Variants in TRDN observed in about 807,000 individuals in gnomAD.
TRDN encodes triadin.
A neutral mutation model predicts 149.7 loss-of-function variants in TRDN; 161 were observed. That is an observed-to-expected ratio of 1.08 (90% CI 0.95 to 1.23). The LOEUF (loss-of-function observed/expected upper bound fraction) is 1.23, where lower values mean the gene tolerates loss of function less well. Ranked by LOEUF, TRDN falls within the 50% of genes most tolerant of loss-of-function variation. The pLI, the probability that TRDN is intolerant of heterozygous loss-of-function variation, is 0.00. For missense variants in TRDN, 896 were observed against 823.5 expected, an observed-to-expected ratio of 1.09 and a Z score of -1.08; for synonymous variants, 294 against 250.5, an observed-to-expected ratio of 1.17 and a Z score of -1.64.
rs1057524282 is a variant in TRDN, at chr6:123,267,757, G to A, written c.1739-6C>T. The A allele has an allele frequency of 6.4e-7, 1 of 1,565,548 alleles. No homozygotes were observed. The highest frequency in any genetic ancestry group is 8.7e-7 in the Non-Finnish European group (1 of 1,155,724). The stretch of plus-strand genomic sequence containing the variant: ...TTCTCGATGTTCAGCTTTTTCTAGA[G>A]AAAGAAATCAAAATTCACTGGCAAT... On this transcript the variant is annotated splice_region_variant and splice_polypyrimidine_tract_variant and intron_variant, in intron 31 of 40. Coordinates refer to ENST00000334268, the MANE Select transcript of TRDN (RefSeq NM_006073.4).
chr6:123,407,415 G>A (rs1773240230), intron 12 of TRDN, among the ~76,000 whole-genome samples: 1 of 152,068 alleles, frequency 6.6e-6, no homozygotes, highest in African/African-American at 2.4e-5. Context: ...ATCATTTCTT[G>A]GAAACTTTTC....
At chr6:123,628,051 T>C (rs138538331) in intron 1 of TRDN, among the ~76,000 whole-genome samples, 168 of 152,318 alleles carry the variant, frequency 1.1e-3, no homozygotes, top group African/African-American at 3.8e-3. Flanking sequence ...ATAAGTTTGT[T>C]TCACTTTCTT....
chr6:123,305,201 T>C (rs1488540963), intron 24 of TRDN, among the ~76,000 whole-genome samples: 2 of 152,134 alleles, frequency 1.3e-5, no homozygotes, highest in Non-Finnish European at 2.9e-5. Context: ...AAATAAAAAC[T>C]GTCATTTCCT....
At position 123,429,573 on chromosome 6, in the gene TRDN, G is replaced by A. The variant is rs1353397630; in HGVS notation, c.1051+8490C>T. The stretch of plus-strand genomic sequence containing the variant: ...CTGCATTATTAAATATGTATCTCAA[G>A]TCACAAGGAAAACTCAGGCCACACT... On this transcript the variant is annotated intron_variant, in intron 12 of 40. Transcript: ENST00000334268. Among the ~76,000 whole-genome samples, 4 of 152,104 alleles carry A rather than the reference G, an allele frequency of 2.6e-5. No homozygotes were observed. In the South Asian group the frequency reaches 6.2e-4, roughly 24 times the overall value.
chr6:123,473,846 G>A (rs938450085), intron 9 of TRDN, among the ~76,000 whole-genome samples: 40 of 151,992 alleles, frequency 2.6e-4, no homozygotes, highest in African/African-American at 7.2e-4. Context: ...GCCAAACTAA[G>A]CTTCATAAGC....
chr6:123,615,541 C>T (rs1016020405), intron 1 of TRDN, among the ~76,000 whole-genome samples: 14 of 115,776 alleles, frequency 1.2e-4, no homozygotes, highest in African/African-American at 6.9e-4. Flanking sequence ...TGTATATACA[C>T]ACACACACAC....
At chr6:123,610,806 G>T (rs373159866) in intron 1 of TRDN, among the ~76,000 whole-genome samples, 8 of 152,084 alleles carry the variant, frequency 5.3e-5, no homozygotes, top group African/African-American at 1.2e-4. Flanking sequence ...TTTAACAAAA[G>T]AAAAAAACTG....
chr6:123,368,680 C>A (rs1170006053), intron 19 of TRDN, among the ~76,000 whole-genome samples: 24 of 152,184 alleles, frequency 1.6e-4, no homozygotes, highest in Admixed American at 1.6e-3. Context: ...CAATTTCCAA[C>A]TATATTTGTA....
At chr6:123,298,383 A>G (rs923488117) in intron 24 of TRDN, among the ~76,000 whole-genome samples, 9 of 151,890 alleles carry the variant, frequency 5.9e-5, no homozygotes, top group African/African-American at 2.2e-4. Context: ...TACCATGCCC[A>G]TTTACTAAGA....
At chr6:123,301,762 T>TAC (rs765500670) in intron 24 of TRDN, among the ~76,000 whole-genome samples, 1,650 of 80,526 alleles carry the variant, frequency 0.02, 98 homozygotes, top group Middle Eastern at 0.04. Flanking sequence ...CATATATATA[T>TAC]ATATATACAT....
chr6:123,260,528 C>A (rs1582790207), intron 34 of TRDN, 84 bp downstream of exon 34: 1 of 1,361,058 alleles, frequency 7.3e-7, no homozygotes, highest in Admixed American at 3.2e-5. Flanking sequence ...AAGGGATTTT[C>A]TAAATGTTAT....
intron 24 of TRDN, among the ~76,000 whole-genome samples, chr6:123,283,857 T>A (rs1249606246): frequency 6.7e-6 from 1 of 148,864 alleles, no homozygotes; most frequent in African/African-American, 2.5e-5. Flanking sequence ...TATACCCAAT[T>A]CTTTAAATGT....
intron 1 of TRDN, among the ~76,000 whole-genome samples, chr6:123,599,618 G>A (rs1432978126): frequency 6.6e-6 from 1 of 150,780 alleles, no homozygotes; most frequent in Non-Finnish European, 1.5e-5. Context: ...TAAGCATTAT[G>A]TCCTGAAAGA....
Position 123,377,876 on chromosome 6 carries a change from A to T in TRDN, c.1209T>A (p.His403Gln). 1 of 1,541,480 alleles carries T rather than the reference A, an allele frequency of 6.5e-7. No individual in the cohort carries two copies. The highest frequency in any genetic ancestry group is 8.8e-7 in the Non-Finnish European group (1 of 1,131,226). ...TTTAAAAACAGTTACCTGGTTCCAC[A>T]TGTTTTTCTTTCTTTTCCTGTTCTG... ...KGKKQEKKEK[H>Q]VEPAKSPKKE... Residue 403 changes from histidine to glutamine, a missense_variant, in exon 17 of 41, where the codon CAT becomes CAA. Transcript: ENST00000334268.
In TRDN at chr6:123,385,400, G is replaced by T. The variant is rs370354993; in HGVS notation, c.1135+3122C>A. On this transcript the variant is annotated intron_variant, in intron 14 of 40. Transcript: ENST00000334268. ...CAGAGATTGTGCCCACTCCAGCCTG[G>T]GCGACAGAGCGAGACTCCATCTCAA... is the stretch of plus-strand genomic sequence containing the variant. Among the ~76,000 whole-genome samples, 146 of 150,690 alleles carry T rather than the reference G, an allele frequency of 9.7e-4. 2 individuals carry two copies. In the South Asian group the frequency reaches 0.023, roughly 23 times the overall value.
intron 10 of TRDN, among the ~76,000 whole-genome samples, chr6:123,463,263 G>T (rs1327444824): frequency 6.6e-6 from 1 of 151,668 alleles, no homozygotes; most frequent in East Asian, 1.9e-4. Context: ...CGTGAACCCG[G>T]GAGGCGGAGC....
intron 38 of TRDN, among the ~76,000 whole-genome samples, chr6:123,228,632 A>G (rs1347961822): frequency 6.6e-6 from 1 of 151,920 alleles, no homozygotes; most frequent in Non-Finnish European, 1.5e-5. Context: ...CCCTCCCACA[A>G]CATGTGGGGA....
intron 12 of TRDN, among the ~76,000 whole-genome samples, chr6:123,433,375 G>A (rs1336804046): frequency 6.6e-6 from 1 of 151,648 alleles, no homozygotes; most frequent in Non-Finnish European, 1.5e-5. Flanking sequence ...TTGAACTTGT[G>A]GACATTTTGT....
At chr6:123,435,288 G>A (rs1007603229) in intron 12 of TRDN, among the ~76,000 whole-genome samples, 4 of 151,810 alleles carry the variant, frequency 2.6e-5, no homozygotes, top group African/African-American at 9.7e-5. Flanking sequence ...TCTACTTTAG[G>A]AAGAAATGAC....
Sources: allele counts gnomAD v4.1 joint callset (sites outside exome capture counted in the v4.1 genomes callset), GRCh38; gene constraint gnomAD v4.1.1; transcripts MANE v1.5; gene names NCBI Gene and HGNC (gene_info 2026-07-23, HGNC 2026-07-21).